The following SNRPG variants were observed in gnomAD, a reference collection of about 807,000 sequenced individuals.
SNRPG encodes small nuclear ribonucleoprotein G.
Under a neutral mutation model 13.9 loss-of-function variants are expected in SNRPG, and 3 were observed. The observed-to-expected ratio is 0.22, with a 90% CI of 0.10 to 0.56. SNRPG has a LOEUF of 0.56. Ranked by LOEUF, SNRPG falls within the 20% of genes least tolerant of loss-of-function variation. The probability of loss-of-function intolerance (pLI) is 0.93; values close to 1 mark genes in which losing one functional copy is unlikely to be tolerated. For missense variants in SNRPG, 34 were observed against 96.1 expected, an observed-to-expected ratio of 0.35 and a Z score of 2.70; for synonymous variants, 29 against 29.3, an observed-to-expected ratio of 0.99 and a Z score of 0.03.
chr2:70,281,945 A>G (rs1696797697), intron 3 of SNRPG, among the ~76,000 whole-genome samples: 1 of 152,020 alleles, frequency 6.6e-6, no homozygotes, highest in African/African-American at 2.4e-5. Context: ...TTTTTGAGAC[A>G]GTCTCACTCT....
chr2:70,292,675 C>A, intron 1 of SNRPG: 1 of 159,212 alleles, frequency 6.3e-6, no homozygotes. Context: ...GGAACTTTAC[C>A]TTTTGTCTGA....
chr2:70,289,580 G>A (rs1316637553), intron 1 of SNRPG, among the ~76,000 whole-genome samples: 1 of 152,226 alleles, frequency 6.6e-6, no homozygotes, highest in Non-Finnish European at 1.5e-5. Flanking sequence ...AGGGGGCTGA[G>A]GCGGGTGGAC....
intron 3 of SNRPG, among the ~76,000 whole-genome samples, chr2:70,283,145 A>C (rs1449979736): frequency 2.0e-5 from 3 of 150,586 alleles, no homozygotes; most frequent in African/African-American, 4.9e-5. Context: ...AAACCAAAAC[A>C]AACCAACAGA....
intron 1 of SNRPG, 110 bp downstream of exon 1, chr2:70,293,508 G>A (rs911951336): frequency 3.0e-6 from 3 of 984,042 alleles, no homozygotes; most frequent in South Asian, 1.3e-5. Context: ...CGGACCGGAA[G>A]AAGAAATGAA....
At chr2:70,293,072 A>G (rs1041183906) in intron 1 of SNRPG, 3 of 700,970 alleles carry the variant, frequency 4.3e-6, no homozygotes, top group Admixed American at 4.0e-5. Flanking sequence ...TCAGAGCAAG[A>G]TAACACATGA....
intron 3 of SNRPG, among the ~76,000 whole-genome samples, chr2:70,286,890 G>A (rs1375347183): frequency 2.0e-5 from 3 of 152,158 alleles, no homozygotes; most frequent in African/African-American, 7.2e-5. Context: ...GTAAAAATAA[G>A]GGCTGAGAGG....
intron 1 of SNRPG, chr2:70,293,107 G>T (rs888433269): frequency 2.8e-6 from 2 of 702,082 alleles, no homozygotes; most frequent in Admixed American, 4.0e-5. Flanking sequence ...GTAAAAGAAG[G>T]CAAGAAAAAG....
At chr2:70,284,313 C>A (rs1463382737) in intron 3 of SNRPG, among the ~76,000 whole-genome samples, 1 of 152,052 alleles carries the variant, frequency 6.6e-6, no homozygotes, top group East Asian at 1.9e-4. Context: ...ACTATAGGCG[C>A]ACATCACCAT....
chr2:70,285,081 T>A (rs1696906357), intron 3 of SNRPG, among the ~76,000 whole-genome samples: 1 of 152,196 alleles, frequency 6.6e-6, no homozygotes, highest in South Asian at 2.1e-4. Flanking sequence ...TAACCCTTTT[T>A]TTAACTTAAT....
At chr2:70,292,912 A>G (rs1355966152) in intron 1 of SNRPG, 2 of 540,840 alleles carry the variant, frequency 3.7e-6, no homozygotes, top group Admixed American at 6.4e-5. Flanking sequence ...CTTTACGTTG[A>G]GTCCTACCTA....
intron 3 of SNRPG, chr2:70,287,232 A>G (rs1484646070): frequency 4.4e-6 from 3 of 685,394 alleles, no homozygotes; most frequent in Non-Finnish European, 7.9e-6. Context: ...AATCAAGGTT[A>G]ATAAATCAAG....
chr2:70,285,302 G>A (rs543776069), intron 3 of SNRPG, among the ~76,000 whole-genome samples: 14 of 152,224 alleles, frequency 9.2e-5, no homozygotes, highest in Admixed American at 7.9e-4. Flanking sequence ...GGCCAGGCGC[G>A]GTGGCTCACG....
chr2:70,288,033 G>C, intron 3 of SNRPG, 35 bp downstream of exon 3: 1 of 1,605,242 alleles, frequency 6.2e-7, no homozygotes. Context: ...AAAGAAAAAT[G>C]AAATCTCCAA....
chr2:70,292,048 C>T (rs749422824), intron 1 of SNRPG, among the ~76,000 whole-genome samples: 50 of 148,918 alleles, frequency 3.4e-4, no homozygotes, highest in Non-Finnish European at 6.4e-4. Flanking sequence ...CCCGGGTTCA[C>T]GCCATTCTCC....
chr2:70,283,796 C>T (rs527959149), intron 3 of SNRPG, among the ~76,000 whole-genome samples: 19 of 152,310 alleles, frequency 1.2e-4, no homozygotes, highest in Non-Finnish European at 2.1e-4. Flanking sequence ...TGGTGGCTCA[C>T]GCCTATAATC....
intron 3 of SNRPG, among the ~76,000 whole-genome samples, chr2:70,282,542 AG>A (rs1444312828): frequency 1.3e-5 from 2 of 152,244 alleles, no homozygotes; most frequent in Non-Finnish European, 2.9e-5. Flanking sequence ...GAAGAGAATC[AG>A]GAAACAAAGA....
At chr2:70,291,345 A>G (rs950134173) in intron 1 of SNRPG, 2 of 152,254 alleles carry the variant, frequency 1.3e-5, no homozygotes, top group African/African-American at 2.4e-5. Flanking sequence ...TCGATTTTGC[A>G]TACTGTGATA....
At chr2:70,289,238 C>T (rs1697018198) in intron 2 of SNRPG, 112 bp downstream of exon 2, 1 of 612,074 alleles carries the variant, frequency 1.6e-6, no homozygotes. Flanking sequence ...CAGCCGTGAG[C>T]CATCGCGCCT....
At chr2:70,287,254 G>A (rs372852727) in intron 3 of SNRPG, 30 of 694,914 alleles carry the variant, frequency 4.3e-5, no homozygotes, top group African/African-American at 2.5e-4. Context: ...CTAATAATTA[G>A]CAACTCTTAC....
Sources: gnomAD v4.1 joint callset for allele counts (sites outside exome capture counted in the v4.1 genomes callset) on GRCh38, gnomAD v4.1.1 for gene constraint, MANE v1.5 for transcripts, NCBI Gene and HGNC (gene_info 2026-07-23, HGNC 2026-07-21) for gene names.